FANCL: variants seen among roughly 807,000 people sequenced by gnomAD.
The protein encoded by FANCL is FA complementation group L, also known as E3 ubiquitin-protein ligase FANCL.
A neutral mutation model predicts 59.4 loss-of-function variants in FANCL; 69 were observed. The observed-to-expected ratio is 1.16, with a 90% confidence interval of 0.96 to 1.42. The LOEUF is 1.42. FANCL is among the 40% of genes most tolerant of loss of function. The probability of loss-of-function intolerance (pLI) is 0.00; values close to 1 mark genes in which losing one functional copy is unlikely to be tolerated. For missense variants in FANCL, 519 were observed against 447.2 expected (o/e 1.16, Z -1.45); for synonymous variants, 180 against 147.1 (o/e 1.22, Z -1.62).
At chr2:58,231,602 A>C (rs1194513150) in intron 2 of FANCL, among the ~76,000 whole-genome samples, 1 of 152,120 alleles carries the variant, frequency 6.6e-6, no homozygotes. Context: ...GTGGTACCTA[A>C]ATTTTCAGTC....
intron 12 of FANCL, among the ~76,000 whole-genome samples, chr2:58,161,211 G>A (rs1190047828): frequency 6.6e-6 from 1 of 151,900 alleles, no homozygotes; most frequent in South Asian, 2.1e-4. Flanking sequence ...TTACATTGTG[G>A]TAACAAGGAA....
chr2:58,197,269 A>T (rs28645457), intron 7 of FANCL, among the ~76,000 whole-genome samples: 1 of 151,608 alleles, frequency 6.6e-6, no homozygotes, highest in Non-Finnish European at 1.5e-5. Context: ...TAGGCTTTTT[A>T]TTTTTTTACT....
intron 7 of FANCL, among the ~76,000 whole-genome samples, chr2:58,166,634 AAATC>A (rs1475250070): frequency 6.6e-6 from 1 of 152,254 alleles, no homozygotes; most frequent in African/African-American, 2.4e-5. Context: ...TTTTGATACA[AAATC>A]AAAACAGTTT....
chr2:58,237,809 G>A (rs753763139), intron 1 of FANCL, among the ~76,000 whole-genome samples: 21 of 152,134 alleles, frequency 1.4e-4, no homozygotes, highest in Non-Finnish European at 2.4e-4. Context: ...TATAGACTAA[G>A]AAACTTGCAT....
intron 6 of FANCL, among the ~76,000 whole-genome samples, chr2:58,199,970 CAAT>C (rs1242640697): frequency 6.6e-6 from 1 of 151,516 alleles, no homozygotes; most frequent in Non-Finnish European, 1.5e-5. Flanking sequence ...CATTTAGCTA[CAAT>C]AATAAGTTGG....
intron 5 of FANCL, among the ~76,000 whole-genome samples, chr2:58,211,244 C>CCA (rs1228063859): frequency 6.6e-6 from 1 of 152,190 alleles, no homozygotes; most frequent in Non-Finnish European, 1.5e-5. Context: ...TTCTGTGCAC[C>CCA]CACAGGCTCA....
chr2:58,211,647 GC>G (rs1691173217), intron 5 of FANCL, among the ~76,000 whole-genome samples: 1 of 151,498 alleles, frequency 6.6e-6, no homozygotes, highest in African/African-American at 2.4e-5. Context: ...AAAACTAAAT[GC>G]TTTTAATAGC....
intron 7 of FANCL, among the ~76,000 whole-genome samples, chr2:58,184,059 C>G (rs1370938985): frequency 6.6e-6 from 1 of 151,984 alleles, no homozygotes; most frequent in Non-Finnish European, 1.5e-5. Flanking sequence ...GTTTGAAAAT[C>G]CATGAAGTAG....
intron 7 of FANCL, among the ~76,000 whole-genome samples, chr2:58,185,122 A>C (rs541751100): frequency 3.0e-4 from 46 of 152,240 alleles, no homozygotes; most frequent in African/African-American, 1.0e-3. Context: ...ATATTCCCTG[A>C]TATGGAATCT....
At chr2:58,172,555 G>A (rs748267861) in intron 7 of FANCL, among the ~76,000 whole-genome samples, 1 of 152,120 alleles carries the variant, frequency 6.6e-6, no homozygotes, top group Non-Finnish European at 1.5e-5. Flanking sequence ...GTTAACAGAG[G>A]GTCTGTTTGT....
At chr2:58,204,256 C>G in intron 5 of FANCL, 30 bp from the exon 6 acceptor site, 1 of 1,530,868 alleles carries the variant, frequency 6.5e-7, no homozygotes. Context: ...AAAAAATGAT[C>G]ACACCGGGGA....
intron 5 of FANCL, among the ~76,000 whole-genome samples, chr2:58,217,215 T>TATATAC (rs1691915158): frequency 4.8e-5 from 1 of 20,860 alleles, no homozygotes; most frequent in African/African-American, 1.9e-4. Flanking sequence ...TATATATATA[T>TATATAC]ACACACACAC....
rs762613868 is a variant in FANCL, at chr2:58,241,282, T to C, written c.32A>G (p.Gln11Arg). ...GTTCTGGGGCAGAAGCAGGGGGCAC[T>C]GGCGCAACAGGCTCGCTTCCGTCAC... MAVTEASLLR[Q>R]CPLLLPQNRS... is the part of the protein sequence containing the mutation. Residue 11 changes from glutamine to arginine, a missense_variant, in exon 1 of 14, where the codon CAG becomes CGG. Coordinates refer to ENST00000233741, the MANE Select transcript of FANCL (RefSeq NM_018062.4). 10 of 1,614,262 alleles carry C rather than the reference T, an allele frequency of 6.2e-6. No homozygotes were observed. The highest frequency in any genetic ancestry group is 1.1e-5 in the South Asian group (1 of 91,086).
chr2:58,185,795 A>G (rs1470392032), intron 7 of FANCL, among the ~76,000 whole-genome samples: 1 of 152,214 alleles, frequency 6.6e-6, no homozygotes, highest in Non-Finnish European at 1.5e-5. Context: ...ATCAGGAGAT[A>G]AACAAAAATT....
chr2:58,177,878 T>A (rs534533413), intron 7 of FANCL, among the ~76,000 whole-genome samples: 1 of 148,194 alleles, frequency 6.7e-6, no homozygotes, highest in South Asian at 2.2e-4. Flanking sequence ...AAGAATCAAA[T>A]AGACACAATA....
At position 58,232,955 on chromosome 2, in the gene FANCL, C is replaced by T. The variant is rs1451711600; in HGVS notation, c.97-843G>A. On this transcript the variant is annotated intron_variant, in intron 1 of 13. Coordinates refer to ENST00000233741, the MANE Select transcript of FANCL (RefSeq NM_018062.4). ...ACAATTACCATGTGGAATTTTAACA[C>T]AGTCTCCCTCAAAGCAGTTTCAAAA... Among the ~76,000 whole-genome samples, 3 of 151,970 alleles carry T rather than the reference C, an allele frequency of 2.0e-5. No individual in the cohort carries two copies. The East Asian group carries it at 5.8e-4, about 29-fold the overall frequency.
chr2:58,219,631 T>C (rs1023263026), intron 5 of FANCL, among the ~76,000 whole-genome samples: 15 of 151,994 alleles, frequency 9.9e-5, no homozygotes, highest in Non-Finnish European at 2.1e-4. Context: ...ACCCTTGATA[T>C]GAAGAGAAGA....
In FANCL at chr2:58,163,021, G is replaced by A. The variant is rs897556023; in HGVS notation, c.821+8C>T. 1.9e-6 allele frequency: 3 copies of A among 1,612,086 alleles called. No homozygotes were observed. The highest frequency in any genetic ancestry group is 1.3e-5 in the African/African-American group (1 of 74,694). On this transcript the variant is annotated splice_region_variant and intron_variant, in intron 10 of 13. Coordinates refer to ENST00000233741, the MANE Select transcript of FANCL (RefSeq NM_018062.4). ...AAAAAGTAAAAATTATATTGCCAAG[G>A]TACCTACCACAAATGTATGTTCCTG...
intron 5 of FANCL, among the ~76,000 whole-genome samples, chr2:58,219,171 AATATATATATATATATATAT>A (rs869094167): frequency 3.6e-4 from 7 of 19,262 alleles, no homozygotes; most frequent in East Asian, 1.3e-3. Flanking sequence ...AAAAAAAAAA[AATATATATATATATATATAT>A]ATATATATAT....
Sources: gnomAD v4.1 joint callset for allele counts (sites outside exome capture counted in the v4.1 genomes callset) on GRCh38, gnomAD v4.1.1 for gene constraint, MANE v1.5 for transcripts, NCBI Gene and HGNC (gene_info 2026-07-23, HGNC 2026-07-21) for gene names.